The following DENND2C variants were observed in gnomAD, a reference collection of about 807,000 sequenced individuals.
DENND2C encodes DENN domain-containing protein 2C.
Under a neutral mutation model 112.4 loss-of-function variants are expected in DENND2C, and 72 were observed. That is an observed-to-expected ratio of 0.64 (90% CI 0.53 to 0.78). The LOEUF (loss-of-function observed/expected upper bound fraction) is 0.78. Among genes scored for constraint, DENND2C ranks in the 30% least tolerant of loss-of-function variants. The pLI, the probability that DENND2C is intolerant of heterozygous loss-of-function variation, is 0.00. For missense variants in DENND2C, 992 were observed against 1,113.8 expected, an observed-to-expected ratio of 0.89 and a Z score of 1.56; for synonymous variants, 329 against 381.6, an observed-to-expected ratio of 0.86 and a Z score of 1.61.
At chr1:114,593,411 T>C (rs1054112170) in intron 18 of DENND2C, among the ~76,000 whole-genome samples, 4 of 152,252 alleles carry the variant, frequency 2.6e-5, no homozygotes, top group African/African-American at 9.6e-5. Context: ...TCCAGTTGGA[T>C]GTCTGCTTAA....
At chr1:114,624,324 C>T (rs966386465) in intron 4 of DENND2C, among the ~76,000 whole-genome samples, 5 of 152,124 alleles carry the variant, frequency 3.3e-5, no homozygotes, top group Non-Finnish European at 7.4e-5. Context: ...ATTTTAGAGG[C>T]AGGGTCTCAT....
intron 3 of DENND2C, among the ~76,000 whole-genome samples, chr1:114,633,488 TGAAGGAAG>T (rs1222584149): frequency 1.1e-5 from 1 of 88,248 alleles, no homozygotes; most frequent in African/African-American, 4.2e-5. Flanking sequence ...AAGGAAGGAA[TGAAGGAAG>T]GAAGGAAGGA....
intron 3 of DENND2C, among the ~76,000 whole-genome samples, chr1:114,633,688 G>A (rs1320719627): frequency 6.6e-6 from 1 of 152,010 alleles, no homozygotes; most frequent in Non-Finnish European, 1.5e-5. Flanking sequence ...AAAAAAGCAG[G>A]GGAGTTGGAG....
chr1:114,619,885 G>A (rs889229589), intron 7 of DENND2C, among the ~76,000 whole-genome samples: 1 of 152,144 alleles, frequency 6.6e-6, no homozygotes, highest in Admixed American at 6.5e-5. Flanking sequence ...CATGAGCTAG[G>A]AAGAAGAGCC....
chr1:114,608,276 A>T (rs2101653196), intron 10 of DENND2C, among the ~76,000 whole-genome samples: 1 of 152,256 alleles, frequency 6.6e-6, no homozygotes, highest in African/African-American at 2.4e-5. Flanking sequence ...CTAAAAAAAA[A>T]AAAGAAAGAA....
At chr1:114,628,647 C>T (rs1656410143) in intron 3 of DENND2C, among the ~76,000 whole-genome samples, 1 of 152,170 alleles carries the variant, frequency 6.6e-6, no homozygotes, top group Non-Finnish European at 1.5e-5. Flanking sequence ...TAACTTATAC[C>T]CTTTATAATG....
At chr1:114,626,692 C>T (rs997943241) in intron 3 of DENND2C, among the ~76,000 whole-genome samples, 10 of 151,248 alleles carry the variant, frequency 6.6e-5, no homozygotes, top group South Asian at 2.1e-4. Context: ...TTGTATTTTT[C>T]GTAGAGACGG....
chr1:114,621,188 C>T (rs1486916732), intron 7 of DENND2C, among the ~76,000 whole-genome samples: 1 of 152,038 alleles, frequency 6.6e-6, no homozygotes, highest in Non-Finnish European at 1.5e-5. Context: ...CTCTGGGGGC[C>T]AGGGCAAGAG....
rs566142081 is a variant in DENND2C at position 114,587,850 on chromosome 1, C to G, written c.2534G>C (p.Arg845Pro). The G allele has an allele frequency of 1.9e-6, 3 of 1,613,944 alleles. No homozygotes were observed. Among genetic ancestry groups the G allele is most frequent in the Non-Finnish European group, 2.5e-6 (3 of 1,180,016 alleles). The change falls in exon 19 of 21, where the codon CGT becomes CCT. Residue 845 changes from arginine to proline, a missense_variant. By Grantham distance (103) the Arg-to-Pro change is moderately radical. Around this residue, in one of 3 missense-constraint regions of DENND2C, gnomAD observed 516 missense variants for 623.6 expected, o/e 0.83. Transcript: ENST00000393274. The part of the protein sequence containing the change: ...LNMTVTERGE[R>P]VFQREPFRKS... ...ACGGAATGGTTCCCTTTGGAAAACACGCTCCCCACGCTCAGTGACAGTCAT... is the reference window on the plus strand; with the variant it reads ...ACGGAATGGTTCCCTTTGGAAAACAGGCTCCCCACGCTCAGTGACAGTCAT...
intron 10 of DENND2C, among the ~76,000 whole-genome samples, chr1:114,607,185 C>G (rs907579378): frequency 6.6e-6 from 1 of 152,236 alleles, no homozygotes; most frequent in Non-Finnish European, 1.5e-5. Flanking sequence ...GAAGGTGACA[C>G]CATGCATGAA....
At chr1:114,615,013 C>CA (rs1345230274) in intron 8 of DENND2C, among the ~76,000 whole-genome samples, 1,352 of 123,810 alleles carry the variant, frequency 0.011, 8 homozygotes, top group Middle Eastern at 0.041. Flanking sequence ...GACTCCGTCT[C>CA]AAAAAAAAAA....
chr1:114,633,281 C>G (rs1656545182), intron 3 of DENND2C, among the ~76,000 whole-genome samples: 2 of 151,594 alleles, frequency 1.3e-5, no homozygotes, highest in Admixed American at 6.6e-5. Flanking sequence ...CCCGTCCCTA[C>G]TAAAAATACA....
At chr1:114,662,740 G>T (rs181402595) in intron 1 of DENND2C, among the ~76,000 whole-genome samples, 1 of 152,142 alleles carries the variant, frequency 6.6e-6, no homozygotes, top group Non-Finnish European at 1.5e-5. Context: ...GGAGGATCCC[G>T]AGGTCGGGAG....
chr1:114,640,618 C>A (rs746817284), intron 3 of DENND2C, among the ~76,000 whole-genome samples: 3 of 152,116 alleles, frequency 2.0e-5, no homozygotes, highest in Non-Finnish European at 4.4e-5. Context: ...AGGTCCACTT[C>A]AGTGCTAAGC....
rs553593163 is a variant in DENND2C at position 114,585,478 on chromosome 1, C to G, written c.*122G>C. On this transcript the variant is annotated 3_prime_UTR_variant, in exon 21 of 21. Coordinates refer to ENST00000393274, the MANE Select transcript of DENND2C (RefSeq NM_001256404.2). ...AGAATCCTCCTCTAACAGCCTGACT[C>G]GCTCTTTAACCTTTTAAAATTTCAA... The G allele has an allele frequency of 4.9e-6, 5 of 1,021,050 alleles. No individual in the cohort carries two copies. In the East Asian group the frequency reaches 1.2e-4, roughly 25 times the overall value. The allele number at this position is 1,021,050 out of a possible 1,614,324, so 63.2% of individuals were successfully genotyped here.
At chr1:114,642,198 G>T (rs559661169) in intron 3 of DENND2C, among the ~76,000 whole-genome samples, 1 of 152,010 alleles carries the variant, frequency 6.6e-6, no homozygotes, top group Non-Finnish European at 1.5e-5. Flanking sequence ...TGATCCGTCC[G>T]CCTCGGCCTC....
intron 1 of DENND2C, among the ~76,000 whole-genome samples, chr1:114,659,984 T>G (rs1437297463): frequency 6.6e-6 from 1 of 152,064 alleles, no homozygotes. Flanking sequence ...AAAGACTGGG[T>G]TTCGCCATGT....
chr1:114,669,725 G>A (rs1043908747), intron 1 of DENND2C, among the ~76,000 whole-genome samples: 3 of 152,074 alleles, frequency 2.0e-5, no homozygotes, highest in African/African-American at 4.8e-5. Flanking sequence ...TCTTCAGCCA[G>A]GCTCCGCCAC....
chr1:114,629,943 GA>G (rs1159273020), intron 3 of DENND2C, among the ~76,000 whole-genome samples: 1 of 152,176 alleles, frequency 6.6e-6, no homozygotes, highest in African/African-American at 2.4e-5. Flanking sequence ...TAACTTGGAA[GA>G]ATTTGGAACA....
Sources: allele counts gnomAD v4.1 joint callset (sites outside exome capture counted in the v4.1 genomes callset), GRCh38; gene constraint gnomAD v4.1.1; regional missense constraint gnomAD v4.1.1; transcripts MANE v1.5; gene names NCBI Gene and HGNC (gene_info 2026-07-23, HGNC 2026-07-21).